PSD3: variants seen among roughly 807,000 people sequenced by gnomAD.
The protein encoded by PSD3 is pleckstrin and Sec7 domain containing 3.
In PSD3, 49 loss-of-function variants were observed where a neutral mutation model predicts 105.5. That is an observed-to-expected ratio of 0.46 (90% CI 0.37 to 0.59). PSD3 has a LOEUF of 0.59. PSD3 is among the 20% of genes least tolerant of loss of function. PSD3 has a pLI of 0.00. For missense variants in PSD3, 1,561 were observed against 1,263.8 expected (o/e 1.24, Z -3.57); for synonymous variants, 557 against 457.8 (o/e 1.22, Z -2.77).
chr8:18,565,410 C>T lies in PSD3; in HGVS notation c.2784+7118G>A, dbSNP rs565689208. ...GCACTGTCATGAAAAACAAAGAAGG[C>T]GACTCCTCCTACACAGCAGAGTTGT... is the stretch of plus-strand genomic sequence containing the variant. On this transcript the variant is annotated intron_variant, in intron 14 of 15. Transcript: ENST00000327040. 3.9e-5 allele frequency among the ~76,000 whole-genome samples: 6 copies of T among 152,256 alleles called. 1 individual carries two copies. In the South Asian group the frequency reaches 1.0e-3, roughly 26 times the overall value.
At chr8:18,915,354 C>T (rs1430699188) in intron 2 of PSD3, among the ~76,000 whole-genome samples, 3 of 152,092 alleles carry the variant, frequency 2.0e-5, no homozygotes, top group Non-Finnish European at 4.4e-5. Context: ...TGGATTGCAT[C>T]AAACTAAAAA....
chr8:18,763,468 A>T (rs1806712816), intron 9 of PSD3, among the ~76,000 whole-genome samples: 1 of 152,124 alleles, frequency 6.6e-6, no homozygotes, highest in Non-Finnish European at 1.5e-5. Flanking sequence ...ATGTAACAAT[A>T]TTTTCCCCCA....
intron 8 of PSD3, among the ~76,000 whole-genome samples, chr8:18,766,817 C>T (rs1038611): frequency 0.5 from 75,606 of 152,094 alleles, 20,486 homozygotes; most frequent in Non-Finnish European, 0.6. Flanking sequence ...ACAGAGCAAC[C>T]TGAATAGGGC....
chr8:18,974,646 C>CCAACG (rs1378728795), intron 1 of PSD3, among the ~76,000 whole-genome samples: 1 of 151,680 alleles, frequency 6.6e-6, no homozygotes, highest in Non-Finnish European at 1.5e-5. Context: ...ACTGAAGGAA[C>CCAACG]CAACCTCCAA....
intron 2 of PSD3, among the ~76,000 whole-genome samples, chr8:18,875,549 T>C (rs1026853328): frequency 6.6e-6 from 1 of 152,080 alleles, no homozygotes; most frequent in Non-Finnish European, 1.5e-5. Flanking sequence ...AACTTTTTTT[T>C]TTTTTGAGAT....
At chr8:18,742,996 A>G (rs1189958497) in intron 9 of PSD3, among the ~76,000 whole-genome samples, 1 of 152,218 alleles carries the variant, frequency 6.6e-6, no homozygotes, top group African/African-American at 2.4e-5. Context: ...GACAAGTCAT[A>G]TGACCTTGGA....
chr8:18,681,987 C>T (rs893475907), intron 9 of PSD3, among the ~76,000 whole-genome samples: 8 of 146,764 alleles, frequency 5.5e-5, no homozygotes, highest in South Asian at 2.2e-4. Context: ...TTAACTCCTG[C>T]GGCGTTTGCA....
chr8:18,922,932 C>T (rs1363664188), intron 2 of PSD3, among the ~76,000 whole-genome samples: 1 of 152,202 alleles, frequency 6.6e-6, no homozygotes, highest in Non-Finnish European at 1.5e-5. Context: ...ATGTGTTCGT[C>T]TTTCAGGGAG....
intron 14 of PSD3, among the ~76,000 whole-genome samples, chr8:18,558,743 C>T (rs537994706): frequency 3.6e-4 from 55 of 152,134 alleles, no homozygotes; most frequent in Non-Finnish European, 7.1e-4. Context: ...ATCACTTGAA[C>T]CTGGGAGATG....
rs1801068668 is a variant in PSD3 at position 18,556,285 on chromosome 8, G to A, written c.2852C>T (p.Ser951Leu). 6.2e-7 allele frequency: 1 copy of A among 1,613,938 alleles called. No individual in the cohort carries two copies. The highest frequency in any genetic ancestry group is 2.2e-5 in the East Asian group (1 of 44,890). ...TTTGACCTTCTTGTCGGGGGGATAT[G>A]AGCGGTGCTCGGCCAGCTCGGTGGT... ...QITTELAEHR[S>L]YPPDKKVKAK... The change falls in exon 15 of 16, where the codon TCA (serine) becomes TTA (leucine). Residue 951 changes from serine to leucine, a missense_variant. Coordinates refer to ENST00000327040, the MANE Select transcript of PSD3 (RefSeq NM_015310.4).
intron 1 of PSD3, among the ~76,000 whole-genome samples, chr8:18,949,244 A>AAAATAT (rs1345423514): frequency 4.9e-4 from 7 of 14,408 alleles, no homozygotes; most frequent in African/African-American, 1.0e-3. Context: ...AAAAAAAAAA[A>AAAATAT]ATATATATAT....
intron 1 of PSD3, among the ~76,000 whole-genome samples, chr8:18,982,352 G>A (rs1825287246): frequency 6.6e-6 from 1 of 152,108 alleles, no homozygotes; most frequent in South Asian, 2.1e-4. Context: ...TTATCCATGA[G>A]GGTTGGAATC....
chr8:18,942,768 C>T (rs1822632264), intron 1 of PSD3, among the ~76,000 whole-genome samples: 10 of 152,118 alleles, frequency 6.6e-5, no homozygotes, highest in Admixed American at 5.9e-4. Flanking sequence ...CTCTCTAGAA[C>T]TGTAAGAAAA....
At chr8:18,757,735 T>TC (rs1377175177) in intron 9 of PSD3, among the ~76,000 whole-genome samples, 1 of 152,224 alleles carries the variant, frequency 6.6e-6, no homozygotes, top group Non-Finnish European at 1.5e-5. Flanking sequence ...TCTTCAAATA[T>TC]CCAGAGTAAA....
intron 12 of PSD3, among the ~76,000 whole-genome samples, chr8:18,589,728 A>G (rs1413984545): frequency 6.6e-6 from 1 of 152,190 alleles, no homozygotes; most frequent in Non-Finnish European, 1.5e-5. Context: ...CAGCCCTGAA[A>G]TGAGCCAAGG....
At chr8:18,543,105 G>A (rs756370720) in intron 15 of PSD3, among the ~76,000 whole-genome samples, 1 of 151,744 alleles carries the variant, frequency 6.6e-6, no homozygotes, top group Admixed American at 6.6e-5. Context: ...CGTTTTCTTG[G>A]ACCTGGCCCA....
At chr8:18,734,911 A>G (rs754311413) in intron 9 of PSD3, among the ~76,000 whole-genome samples, 8 of 152,264 alleles carry the variant, frequency 5.3e-5, no homozygotes, top group Non-Finnish European at 1.0e-4. Flanking sequence ...ATTAAAAACG[A>G]ACAGTCCTCA....
intron 1 of PSD3, among the ~76,000 whole-genome samples, chr8:19,035,013 A>G (rs1827895608): frequency 6.6e-6 from 1 of 152,132 alleles, no homozygotes; most frequent in African/African-American, 2.4e-5. Flanking sequence ...AGGAGCAAAC[A>G]TAATAGATAA....
intron 1 of PSD3, among the ~76,000 whole-genome samples, chr8:19,068,502 G>A (rs1252893725): frequency 6.6e-6 from 1 of 152,104 alleles, no homozygotes; most frequent in Non-Finnish European, 1.5e-5. Context: ...TGTTGTCTAA[G>A]CTGGTCTTGA....
Sources: gnomAD v4.1 joint callset for allele counts (sites outside exome capture counted in the v4.1 genomes callset) on GRCh38, gnomAD v4.1.1 for gene constraint, MANE v1.5 for transcripts, NCBI Gene and HGNC (gene_info 2026-07-23, HGNC 2026-07-21) for gene names.